The following NOS1AP variants were observed in gnomAD, a reference collection of about 807,000 sequenced individuals.
The protein encoded by NOS1AP is nitric oxide synthase 1 adaptor protein.
A neutral mutation model predicts 56.2 loss-of-function variants in NOS1AP; 21 were observed. The observed-to-expected ratio is 0.37, with a 90% confidence interval of 0.26 to 0.54. NOS1AP has a LOEUF of 0.54. Ranked by LOEUF, NOS1AP falls within the 20% of genes least tolerant of loss-of-function variation. The pLI is 0.84. For missense variants in NOS1AP, 522 were observed against 657.8 expected, an observed-to-expected ratio of 0.79 and a Z score of 2.26; for synonymous variants, 270 against 274.6, an observed-to-expected ratio of 0.98 and a Z score of 0.17.
At chr1:162,243,646 T>A (rs953266992) in intron 2 of NOS1AP, among the ~76,000 whole-genome samples, 6 of 152,216 alleles carry the variant, frequency 3.9e-5, no homozygotes, top group African/African-American at 1.2e-4. Context: ...ACCAGAAATA[T>A]CTACAGGCAG....
intron 2 of NOS1AP, among the ~76,000 whole-genome samples, chr1:162,181,862 G>A (rs1434371867): frequency 2.6e-5 from 4 of 152,222 alleles, no homozygotes; most frequent in Non-Finnish European, 5.9e-5. Flanking sequence ...ACTGAGTATG[G>A]TCTGAGTTGA....
intron 2 of NOS1AP, among the ~76,000 whole-genome samples, chr1:162,225,842 A>C (rs1442624897): frequency 1.3e-5 from 2 of 152,254 alleles, no homozygotes; most frequent in Non-Finnish European, 2.9e-5. Context: ...TAGGCCCTAT[A>C]GTCACCTCTA....
intron 2 of NOS1AP, among the ~76,000 whole-genome samples, chr1:162,204,691 C>T (rs1316966787): frequency 6.6e-6 from 1 of 152,218 alleles, no homozygotes. Context: ...ATCAGTGCAG[C>T]TGCTGCCAGC....
At chr1:162,248,924 C>G (rs765586002) in intron 2 of NOS1AP, among the ~76,000 whole-genome samples, 10 of 152,152 alleles carry the variant, frequency 6.6e-5, no homozygotes, top group South Asian at 2.1e-4. Context: ...CAGCACCCCC[C>G]CCTTTCCTTT....
At chr1:162,223,754 C>T (rs781317372) in intron 2 of NOS1AP, among the ~76,000 whole-genome samples, 3 of 152,122 alleles carry the variant, frequency 2.0e-5, no homozygotes, top group South Asian at 2.1e-4. Context: ...TCAAAGCATG[C>T]GCCTTGCAGT....
intron 2 of NOS1AP, among the ~76,000 whole-genome samples, chr1:162,206,464 C>A (rs1399380492): frequency 6.6e-6 from 1 of 152,184 alleles, no homozygotes; most frequent in Non-Finnish European, 1.5e-5. Context: ...ACACATTTGT[C>A]TCTGGCTGCC....
intron 1 of NOS1AP, among the ~76,000 whole-genome samples, chr1:162,120,686 C>T (rs900662358): frequency 2.0e-5 from 3 of 152,038 alleles, no homozygotes; most frequent in Non-Finnish European, 4.4e-5. Context: ...ATGGGGGAAC[C>T]GCCCCCCCCA....
At chr1:162,086,342 G>A (rs1008303594) in intron 1 of NOS1AP, among the ~76,000 whole-genome samples, 1 of 152,064 alleles carries the variant, frequency 6.6e-6, no homozygotes, top group Non-Finnish European at 1.5e-5. Flanking sequence ...TCGGAGCTAG[G>A]GATATTAGAC....
chr1:162,277,795 C>T (rs1309470137), intron 2 of NOS1AP, among the ~76,000 whole-genome samples: 1 of 152,152 alleles, frequency 6.6e-6, no homozygotes, highest in Admixed American at 6.5e-5. Flanking sequence ...CTTTTCCAGG[C>T]AAGGGATTTA....
chr1:162,128,724 G>A (rs1251894955), intron 1 of NOS1AP, among the ~76,000 whole-genome samples: 1 of 151,892 alleles, frequency 6.6e-6, no homozygotes, highest in Non-Finnish European at 1.5e-5. Flanking sequence ...TATTTGCAAG[G>A]TAATTTGTTA....
chr1:162,336,000 T>C (rs1298126510), intron 5 of NOS1AP, among the ~76,000 whole-genome samples: 1 of 152,094 alleles, frequency 6.6e-6, no homozygotes, highest in Non-Finnish European at 1.5e-5. Flanking sequence ...ACCTTGGGAG[T>C]TGTATCCTTG....
At chr1:162,349,270 C>T (rs984749702) in intron 6 of NOS1AP, among the ~76,000 whole-genome samples, 1 of 151,896 alleles carries the variant, frequency 6.6e-6, no homozygotes, top group Admixed American at 6.5e-5. Flanking sequence ...CGGCTTGGCT[C>T]AGAGTCTACT....
chr1:162,086,971 C>T (rs985706513), intron 1 of NOS1AP, among the ~76,000 whole-genome samples: 1 of 152,242 alleles, frequency 6.6e-6, no homozygotes, highest in Non-Finnish European at 1.5e-5. Context: ...CCTCGTCCAA[C>T]TGTACCTGTG....
intron 2 of NOS1AP, among the ~76,000 whole-genome samples, chr1:162,176,991 C>T (rs1330130614): frequency 6.6e-6 from 1 of 152,200 alleles, no homozygotes; most frequent in African/African-American, 2.4e-5. Context: ...GAATCTGCCT[C>T]ATTTGAGTAT....
intron 1 of NOS1AP, among the ~76,000 whole-genome samples, chr1:162,101,468 A>G (rs1458428189): frequency 1.3e-5 from 2 of 152,230 alleles, no homozygotes; most frequent in African/African-American, 4.8e-5. Context: ...AATTCAGTGA[A>G]GAATGTCAAT....
intron 2 of NOS1AP, among the ~76,000 whole-genome samples, chr1:162,265,592 T>C (rs1226715632): frequency 1.3e-5 from 2 of 152,088 alleles, no homozygotes; most frequent in Non-Finnish European, 2.9e-5. Flanking sequence ...GTATTCTTTA[T>C]GAGAATACGC....
At chr1:162,262,073 T>A (rs1654258256) in intron 2 of NOS1AP, among the ~76,000 whole-genome samples, 1 of 152,112 alleles carries the variant, frequency 6.6e-6, no homozygotes, top group South Asian at 2.1e-4. Context: ...CAAAGAGCAT[T>A]CCAGGTAAAG....
rs375895754 is a variant in NOS1AP at position 162,070,859 on chromosome 1, G to T, written c.105+577G>T. Among the ~76,000 whole-genome samples, 11 of 152,188 alleles carry T rather than the reference G, an allele frequency of 7.2e-5. 1 individual carries two copies. Among genetic ancestry groups the T allele is most frequent in the African/African-American group, 2.4e-4 (10 of 41,524 alleles). On this transcript the variant is annotated intron_variant, in intron 1 of 9. Transcript: ENST00000361897. ...CCAGTCACTGAAGGGAGTGGTGAAA[G>T]CTACCCATTTGCTAGTTTTGTGGCT... is the stretch of plus-strand genomic sequence containing the variant.
At chr1:162,123,842 A>T (rs1170505044) in intron 1 of NOS1AP, among the ~76,000 whole-genome samples, 1 of 152,130 alleles carries the variant, frequency 6.6e-6, no homozygotes, top group East Asian at 1.9e-4. Context: ...TACAGACAAG[A>T]TGTTCCTTCT....
Sources: allele counts gnomAD v4.1 joint callset (sites outside exome capture counted in the v4.1 genomes callset), GRCh38; gene constraint gnomAD v4.1.1; transcripts MANE v1.5; gene names NCBI Gene and HGNC (gene_info 2026-07-23, HGNC 2026-07-21).